The following KCNIP3 variants were observed in gnomAD, a reference collection of about 807,000 sequenced individuals.
The protein encoded by KCNIP3 is potassium voltage-gated channel interacting protein 3, also known as calsenilin.
A neutral mutation model predicts 35.0 loss-of-function variants in KCNIP3; 28 were observed. The observed-to-expected ratio is 0.80, with a 90% confidence interval of 0.59 to 1.10. The LOEUF (loss-of-function observed/expected upper bound fraction) is 1.10, where lower values mean the gene tolerates loss of function less well. KCNIP3 is among the 50% of genes least tolerant of loss of function. KCNIP3 has a pLI of 0.00. For synonymous variants in KCNIP3, 134 were observed against 133.8 expected, an observed-to-expected ratio of 1.00 and a Z score of -0.01; for missense variants, 295 against 338.4, an observed-to-expected ratio of 0.87 and a Z score of 1.01.
At chr2:95,367,157 C>T (rs1456583155) in intron 2 of KCNIP3, among the ~76,000 whole-genome samples, 1 of 152,034 alleles carries the variant, frequency 6.6e-6, no homozygotes, top group East Asian at 1.9e-4. Context: ...CCTGTAGTCC[C>T]AGTTACTCGG....
At chr2:95,360,739 CAGACAGAGAGAGAGAGAGCGAG>C (rs908978823) in intron 2 of KCNIP3, among the ~76,000 whole-genome samples, 10 of 151,992 alleles carry the variant, frequency 6.6e-5, no homozygotes, top group South Asian at 2.1e-4. Context: ...AACAGACAGA[CAGACAGAGAGAGAGAGAGCGAG>C]AGACAGAGAG....
At chr2:95,310,668 C>A in intron 2 of KCNIP3, 148 bp downstream of exon 2, 1 of 825,368 alleles carries the variant, frequency 1.2e-6, no homozygotes, top group South Asian at 1.6e-5. Context: ...TTCATTCATT[C>A]ACACCCTTCC....
At chr2:95,306,228 T>C (rs750368693) in intron 1 of KCNIP3, among the ~76,000 whole-genome samples, 24 of 152,262 alleles carry the variant, frequency 1.6e-4, no homozygotes, top group South Asian at 4.1e-4. Flanking sequence ...TCCTCTGCGT[T>C]GCCAGAATGG....
intron 3 of KCNIP3, 125 bp from the exon 4 acceptor site, chr2:95,374,722 GC>G: frequency 8.7e-7 from 1 of 1,143,326 alleles, no homozygotes; most frequent in Non-Finnish European, 1.3e-6. Context: ...AGGCCAGGGG[GC>G]CCCAGCAGTG....
At chr2:95,361,878 G>T (rs964968377) in intron 2 of KCNIP3, among the ~76,000 whole-genome samples, 3 of 152,146 alleles carry the variant, frequency 2.0e-5, no homozygotes, top group Non-Finnish European at 4.4e-5. Flanking sequence ...AGATGTCTTA[G>T]TCTTCTCTGG....
rs1182116162 is a variant in KCNIP3, at chr2:95,378,765, A to AAT, written c.448-2817_448-2816dup. Among the ~76,000 whole-genome samples, 39 of 148,896 alleles carry AAT rather than the reference A, an allele frequency of 2.6e-4. No individual in the cohort carries two copies. The highest frequency in any genetic ancestry group is 1.2e-3 in the East Asian group (6 of 5,088). On this transcript the variant is annotated intron_variant, in intron 5 of 8. Transcript: ENST00000295225. This position sits in a 1 kb window ranked among gnomAD's most constrained non-coding sequence, Gnocchi z 4.0. ...GACTCAATCTCAAAAACAAAAACAA[A>AAT]ATATATATATATATACACACACACA... is the stretch of plus-strand genomic sequence containing the variant.
At chr2:95,328,345 G>GTGC (rs1303313383) in intron 2 of KCNIP3, among the ~76,000 whole-genome samples, 1 of 152,254 alleles carries the variant, frequency 6.6e-6, no homozygotes, top group African/African-American at 2.4e-5. Flanking sequence ...TCCCAGAGCA[G>GTGC]TGCTGCTGCT....
intron 2 of KCNIP3, among the ~76,000 whole-genome samples, chr2:95,331,268 C>T (rs959536864): frequency 2.6e-5 from 4 of 152,094 alleles, no homozygotes; most frequent in African/African-American, 9.7e-5. Flanking sequence ...GTGTCTGTTG[C>T]GTGAGAACGA....
In KCNIP3 at chr2:95,310,391, G is replaced by C; in HGVS notation, c.52G>C (p.Asp18His). Residue 18 changes from aspartate (D) to histidine (H), a missense_variant, in exon 2 of 9, where the codon GAC becomes CAC. By Grantham distance (81) the Asp-to-His change is moderately conservative. Transcript: ENST00000295225. ...TKASDGSLLG[D>H]LGHTPLSKKE... ...GGCGTCGGACGGCAGCCTCCTGGGG[G>C]ACCTCGGGCACACACCACTTAGCAA... 1 of 1,612,720 alleles carries C rather than the reference G, an allele frequency of 6.2e-7. No homozygotes were observed. The highest frequency in any genetic ancestry group is 8.5e-7 in the Non-Finnish European group (1 of 1,179,056).
chr2:95,344,554 T>C (rs942550319), intron 2 of KCNIP3, among the ~76,000 whole-genome samples: 8 of 152,222 alleles, frequency 5.3e-5, no homozygotes, highest in African/African-American at 1.9e-4. Context: ...TTATAGGCAG[T>C]CATCGAAGCT....
chr2:95,370,667 A>G (rs1680020402), intron 2 of KCNIP3, among the ~76,000 whole-genome samples: 1 of 152,246 alleles, frequency 6.6e-6, no homozygotes, highest in African/African-American at 2.4e-5. Flanking sequence ...TTTGTCAGAT[A>G]CATATACTGG....
chr2:95,315,168 G>A (rs1358605517), intron 2 of KCNIP3, among the ~76,000 whole-genome samples: 1 of 152,100 alleles, frequency 6.6e-6, no homozygotes, highest in Admixed American at 6.5e-5. Context: ...CAGAGGGAAG[G>A]TCACACCCAG....
intron 2 of KCNIP3, among the ~76,000 whole-genome samples, chr2:95,370,872 T>C (rs1437962846): frequency 6.6e-6 from 1 of 152,114 alleles, no homozygotes; most frequent in Non-Finnish European, 1.5e-5. Flanking sequence ...GCGATTCTCA[T>C]GCCCCAGCCT....
chr2:95,321,208 C>G (rs949679714), intron 2 of KCNIP3, among the ~76,000 whole-genome samples: 29 of 152,224 alleles, frequency 1.9e-4, no homozygotes, highest in African/African-American at 6.8e-4. Flanking sequence ...GGGTGGGTCA[C>G]AGAGCCGGTT....
chr2:95,309,604 A>G (rs1339965386), intron 1 of KCNIP3, among the ~76,000 whole-genome samples: 1 of 152,080 alleles, frequency 6.6e-6, no homozygotes, highest in Admixed American at 6.5e-5. Flanking sequence ...TTGTATTTTT[A>G]GTAGAGACAG....
At chr2:95,344,279 G>A (rs1213551360) in intron 2 of KCNIP3, among the ~76,000 whole-genome samples, 1 of 151,384 alleles carries the variant, frequency 6.6e-6, no homozygotes, top group Non-Finnish European at 1.5e-5. Context: ...CGGGGTGGGG[G>A]GGGGCACATG....
intron 2 of KCNIP3, among the ~76,000 whole-genome samples, chr2:95,356,706 A>G (rs1456041101): frequency 1.3e-5 from 2 of 152,146 alleles, no homozygotes; most frequent in African/African-American, 4.8e-5. Context: ...CCATTGGTCT[A>G]TATATCTATT....
intron 2 of KCNIP3, among the ~76,000 whole-genome samples, chr2:95,317,364 G>T (rs981657323): frequency 6.6e-6 from 1 of 152,208 alleles, no homozygotes; most frequent in Non-Finnish European, 1.5e-5. Flanking sequence ...CCAGGAAGCC[G>T]CAGGGGCCCT....
chr2:95,316,024 C>A (rs576262428), intron 2 of KCNIP3, among the ~76,000 whole-genome samples: 36 of 152,352 alleles, frequency 2.4e-4, no homozygotes, highest in Non-Finnish European at 4.1e-4. Flanking sequence ...CTCTGTCTCT[C>A]TCACCATCAG....
Sources: allele counts gnomAD v4.1 joint callset (sites outside exome capture counted in the v4.1 genomes callset), GRCh38; gene constraint gnomAD v4.1.1; non-coding constraint Gnocchi (gnomAD v3.1); transcripts MANE v1.5; gene names NCBI Gene and HGNC (gene_info 2026-07-23, HGNC 2026-07-21).